The following KLRD1 variants were observed in gnomAD, a reference collection of about 807,000 sequenced individuals.
KLRD1 encodes the protein natural killer cells antigen CD94.
Under a neutral mutation model 22.6 loss-of-function variants are expected in KLRD1, and 21 were observed. The observed-to-expected ratio is 0.93, with a 90% confidence interval of 0.66 to 1.34. The LOEUF (loss-of-function observed/expected upper bound fraction) is 1.34. KLRD1 is among the 40% of genes most tolerant of loss of function. The pLI is 0.00. For missense variants in KLRD1, 183 were observed against 208.6 expected, an observed-to-expected ratio of 0.88 and a Z score of 0.76; for synonymous variants, 59 against 71.1, an observed-to-expected ratio of 0.83 and a Z score of 0.85.
At chr12:10,278,533 G>T (rs1407832087) in intron 1 of KLRD1, among the ~76,000 whole-genome samples, 2 of 152,066 alleles carry the variant, frequency 1.3e-5, no homozygotes, top group Admixed American at 1.3e-4. Flanking sequence ...CACATATTAT[G>T]AATTCAAGAA....
chr12:10,313,424 C>G lies in KLRD1; in HGVS notation c.330C>G (p.Ser110=). 1 of 1,595,390 alleles carries G rather than the reference C, an allele frequency of 6.3e-7. No homozygotes were observed. The highest frequency in any genetic ancestry group is 8.5e-7 in the Non-Finnish European group (1 of 1,169,648). Residue 110 remains serine (S), a synonymous_variant, in exon 5 of 6, where the codon TCC becomes TCG. Coordinates refer to ENST00000336164, the MANE Select transcript of KLRD1 (RefSeq NM_002262.5). ...QNTDELDFMS[S]SQQFYWIGLS... The stretch of plus-strand genomic sequence containing the variant: ...ACTTGAAGCAGGATTTTATGAGCTC[C>G]AGTCAACAATTTTACTGGATTGGAC...
At chr12:10,312,814 C>T (rs914092723) in intron 4 of KLRD1, among the ~76,000 whole-genome samples, 5 of 151,320 alleles carry the variant, frequency 3.3e-5, no homozygotes, top group African/African-American at 7.2e-5. Context: ...GGTGAAACCA[C>T]GTCTCTACTA....
Position 10,320,751 on chromosome 12 carries a change from T to A in KLRD1, c.*5958T>A, listed in dbSNP as rs1950304872. The A allele has an allele frequency of 6.6e-6, 1 of 152,162 alleles. No homozygotes were observed. Among genetic ancestry groups the A allele is most frequent in the South Asian group, 2.1e-4 (1 of 4,826 alleles). The allele number at this position is 152,162 out of a possible 1,614,324, so 9.4% of individuals were successfully genotyped here. On this transcript the variant is annotated 3_prime_UTR_variant, in exon 6 of 6. Transcript: ENST00000336164. The stretch of plus-strand genomic sequence containing the variant: ...ATGATTCTAAACAAGAAGGTGTGGG[T>A]GTGACTGAAATTTCCTGTAAATATC...
intron 1 of KLRD1, among the ~76,000 whole-genome samples, chr12:10,244,771 G>A (rs556588584): frequency 2.0e-4 from 30 of 150,086 alleles, no homozygotes; most frequent in Non-Finnish European, 3.8e-4. Context: ...CAACATGAGC[G>A]AAACTCCGTC....
At chr12:10,281,551 G>A (rs762566611) in intron 1 of KLRD1, among the ~76,000 whole-genome samples, 1 of 152,168 alleles carries the variant, frequency 6.6e-6, no homozygotes, top group Non-Finnish European at 1.5e-5. Flanking sequence ...GTCAGGAGTT[G>A]TAGTTGCAGG....
At chr12:10,285,463 G>T (rs1338993311) in intron 1 of KLRD1, among the ~76,000 whole-genome samples, 1 of 152,142 alleles carries the variant, frequency 6.6e-6, no homozygotes, top group Non-Finnish European at 1.5e-5. Context: ...CATGATAAGG[G>T]TTCTGAAATA....
chr12:10,282,967 T>G (rs114272772), intron 1 of KLRD1, among the ~76,000 whole-genome samples: 2,140 of 152,236 alleles, frequency 0.014, 46 homozygotes, highest in African/African-American at 0.049. Context: ...AAGAGTGTAG[T>G]AGATATTATT....
At chr12:10,301,553 G>C (rs2537781), upstream of KLRD1, among the ~76,000 whole-genome samples, 83,142 of 151,994 alleles carry the variant, frequency 0.55, 23,369 homozygotes, top group Middle Eastern at 0.68. Flanking sequence ...TTTTCTTGTT[G>C]TGTGCCTTGC....
rs530123588 is a variant in KLRD1, at chr12:10,326,168, T to A, written c.*11375T>A. 1.2e-4 allele frequency: 19 copies of A among 152,286 alleles called. No individual in the cohort carries two copies. The highest frequency in any genetic ancestry group is 4.1e-4 in the African/African-American group (17 of 41,560). The allele number at this position is 152,286 out of a possible 1,614,324, so 9.4% of individuals were successfully genotyped here. A position where few individuals can be genotyped will look rare whatever the true frequency, so the allele number is the denominator to read the frequency against. ...TTAATTGGGTTACTTGTGTTTTTTT[T>A]AATATTGAGTTGTAGGAGTTCTTTA... On this transcript the variant is annotated 3_prime_UTR_variant, in exon 6 of 6. Transcript: ENST00000336164.
At chr12:10,310,417 C>T (rs960462578) in intron 3 of KLRD1, among the ~76,000 whole-genome samples, 12 of 152,210 alleles carry the variant, frequency 7.9e-5, no homozygotes, top group South Asian at 6.2e-4. Context: ...AGAGCCACTG[C>T]GCCCGGCCTC....
At chr12:10,306,619 C>CT (rs1378718667), upstream of KLRD1, among the ~76,000 whole-genome samples, 2 of 152,278 alleles carry the variant, frequency 1.3e-5, no homozygotes, top group Non-Finnish European at 2.9e-5. Context: ...TCCAGACCAG[C>CT]TTTTTCTAAC....
intron 4 of KLRD1, 69 bp from the exon 5 acceptor site, chr12:10,313,341 C>A (rs1049564627): frequency 4.8e-6 from 4 of 834,480 alleles, no homozygotes; most frequent in Admixed American, 2.4e-5. Flanking sequence ...CACTGACTTT[C>A]CCTCAAAATA....
chr12:10,279,192 G>A (rs11834167), intron 1 of KLRD1, among the ~76,000 whole-genome samples: 7,555 of 151,900 alleles, frequency 0.05, 315 homozygotes, highest in East Asian at 0.15. Context: ...TCTCTTCTTT[G>A]TGTCCACATG....
At chr12:10,266,314 C>T (rs1487956111) in intron 1 of KLRD1, among the ~76,000 whole-genome samples, 6 of 152,056 alleles carry the variant, frequency 3.9e-5, no homozygotes, top group Admixed American at 3.3e-4. Flanking sequence ...GGTCCATTCT[C>T]CACACATTGA....
At chr12:10,278,359 G>A (rs951672136) in intron 1 of KLRD1, among the ~76,000 whole-genome samples, 1 of 152,092 alleles carries the variant, frequency 6.6e-6, no homozygotes, top group Non-Finnish European at 1.5e-5. Flanking sequence ...AATGGTGCCT[G>A]TCTTATCAAA....
In KLRD1 at chr12:10,239,434, T is replaced by TTCCTTCCTTCCTTCC. The variant is rs59390706; in HGVS notation, c.-101+13202_-101+13203insCCTTCCTTCCTTCCT. ...CTTCCTTCTTTCCATCCTTCCTTCC[T>TTCCTTCCTTCCTTCC]TTCCTTCCTTCCTTCCTTCCTTCCT... On this transcript the variant is annotated intron_variant, in intron 1 of 5. Coordinates refer to the KLRD1 transcript ENST00000544747. Among the ~76,000 whole-genome samples the TTCCTTCCTTCCTTCC allele has an allele frequency of 2.4e-4, 10 of 41,398 alleles. 2 individuals carry two copies. The highest frequency in any genetic ancestry group is 4.4e-4 in the Non-Finnish European group (9 of 20,360). The allele number at this position is 41,398 out of a possible 152,430, so 27.2% of individuals were successfully genotyped here. A position where few individuals can be genotyped will look rare whatever the true frequency, so the allele number is the denominator to read the frequency against.
intron 1 of KLRD1, chr12:10,309,082 A>G (rs1035266918): frequency 8.5e-6 from 2 of 234,776 alleles, no homozygotes; most frequent in South Asian, 2.1e-4. Context: ...GCTTGTTAAT[A>G]TCTTCTACCT....
chr12:10,266,607 TA>T (rs1445956726), intron 1 of KLRD1, among the ~76,000 whole-genome samples: 5 of 151,704 alleles, frequency 3.3e-5, no homozygotes, highest in African/African-American at 1.2e-4. Context: ...TTTATATTCT[TA>T]AAAAAATTAT....
At position 10,317,491 on chromosome 12, in the gene KLRD1, G is replaced by A. The variant is rs956178608; in HGVS notation, c.*2698G>A. ...CCGCAACCTTGGCATTATCAGTACT[G>A]GACAAAGCCCTCTGCAGCATACAGC... is the stretch of plus-strand genomic sequence containing the variant. On this transcript the variant is annotated 3_prime_UTR_variant, in exon 6 of 6. Transcript: ENST00000336164. 1.3e-5 allele frequency: 2 copies of A among 152,168 alleles called. No individual in the cohort carries two copies. Among genetic ancestry groups the A allele is most frequent in the African/African-American group, 4.8e-5 (2 of 41,418 alleles). The allele number at this position is 152,168 out of a possible 1,614,324, so 9.4% of individuals were successfully genotyped here.
Sources: gnomAD v4.1 joint callset for allele counts (sites outside exome capture counted in the v4.1 genomes callset) on GRCh38, gnomAD v4.1.1 for gene constraint, MANE v1.5 for transcripts, NCBI Gene and HGNC (gene_info 2026-07-23, HGNC 2026-07-21) for gene names.